Variants in STAU2 observed in about 807,000 individuals in gnomAD.
The protein encoded by STAU2 is double-stranded RNA-binding protein Staufen homolog 2.
Under a neutral mutation model 65.9 loss-of-function variants are expected in STAU2, and 20 were observed. The ratio of observed to expected loss-of-function variants is 0.30; its 90% CI spans 0.21 to 0.44. STAU2 has a LOEUF of 0.44. Ranked by LOEUF, STAU2 falls within the 20% of genes least tolerant of loss-of-function variation. The pLI is 1.00. For missense variants in STAU2, 558 were observed against 683.9 expected (o/e 0.82, Z 2.05); for synonymous variants, 232 against 233.9 (o/e 0.99, Z 0.07).
At chr8:73,552,352 C>T in intron 12 of STAU2, 33 bp from the exon 13 acceptor site, 1 of 1,545,438 alleles carries the variant, frequency 6.5e-7, no homozygotes, top group Non-Finnish European at 8.8e-7. Flanking sequence ...TGTTATTACA[C>T]TTAAAATAAC....
chr8:73,502,548 T>C (rs140053019), intron 13 of STAU2, among the ~76,000 whole-genome samples: 341 of 152,190 alleles, frequency 2.2e-3, no homozygotes, highest in African/African-American at 7.7e-3. Flanking sequence ...CCACTCAGTG[T>C]CTGGGCCCAT....
chr8:73,659,532 T>C (rs1004917841), intron 6 of STAU2, among the ~76,000 whole-genome samples: 1 of 152,008 alleles, frequency 6.6e-6, no homozygotes, highest in Non-Finnish European at 1.5e-5. Context: ...AGCGAAACTC[T>C]GTCTCAAAAA....
At chr8:73,616,389 A>G (rs1425989756) in intron 7 of STAU2, among the ~76,000 whole-genome samples, 1 of 152,154 alleles carries the variant, frequency 6.6e-6, no homozygotes, top group African/African-American at 2.4e-5. Context: ...GCTCTCATGA[A>G]AGAGTACAAG....
intron 13 of STAU2, among the ~76,000 whole-genome samples, chr8:73,512,528 A>G (rs952537692): frequency 1.2e-4 from 19 of 152,164 alleles, no homozygotes; most frequent in Non-Finnish European, 2.2e-4. Flanking sequence ...AAATGGTCTT[A>G]ATTTCATTTT....
intron 1 of STAU2, among the ~76,000 whole-genome samples, chr8:73,742,731 G>A (rs932686448): frequency 2.0e-5 from 3 of 151,566 alleles, no homozygotes; most frequent in African/African-American, 7.3e-5. Context: ...ATAGGGAGAC[G>A]GCTGGGGAAG....
At chr8:73,499,073 A>C (rs1254036478) in intron 13 of STAU2, among the ~76,000 whole-genome samples, 1 of 151,878 alleles carries the variant, frequency 6.6e-6, no homozygotes, top group African/African-American at 2.4e-5. Flanking sequence ...TAACACAGAA[A>C]TCATCCCTGA....
At chr8:73,433,804 A>G (rs1701267699) in intron 13 of STAU2, among the ~76,000 whole-genome samples, 1 of 151,758 alleles carries the variant, frequency 6.6e-6, no homozygotes. Flanking sequence ...TGCCTGGCCT[A>G]TTTAATTATT....
At chr8:73,581,813 A>C (rs1241165370) in intron 12 of STAU2, among the ~76,000 whole-genome samples, 1 of 152,224 alleles carries the variant, frequency 6.6e-6, no homozygotes, top group African/African-American at 2.4e-5. Flanking sequence ...CCAAGAATTC[A>C]ATTCTTATGA....
At chr8:73,457,559 G>A (rs752356735) in intron 13 of STAU2, among the ~76,000 whole-genome samples, 6 of 152,184 alleles carry the variant, frequency 3.9e-5, no homozygotes, top group Admixed American at 6.5e-5. Flanking sequence ...AAGATATGCC[G>A]CCAAAATAAA....
intron 6 of STAU2, among the ~76,000 whole-genome samples, chr8:73,658,201 T>C (rs1443321684): frequency 1.3e-5 from 2 of 150,566 alleles, no homozygotes; most frequent in Non-Finnish European, 3.0e-5. Flanking sequence ...CCATCTCTAC[T>C]AAAAAAAAAT....
intron 12 of STAU2, 86 bp downstream of exon 12, chr8:73,582,684 A>T (rs1009364962): frequency 1.5e-6 from 2 of 1,323,158 alleles, no homozygotes; most frequent in African/African-American, 2.9e-5. Flanking sequence ...TCTCAGACCC[A>T]GACAGACCCA....
Position 73,596,330 on chromosome 8 carries a change from C to CA in STAU2, c.1030-1034dup, listed in dbSNP as rs953342442. On this transcript the variant is annotated intron_variant, in intron 10 of 14. Coordinates refer to ENST00000524300, the MANE Select transcript of STAU2 (RefSeq NM_001164380.2). ...AGCATTTAATCCATCACAATTGCTC[C>CA]AAAAAAAAGATTTTTATCATTAGAA... Among the ~76,000 whole-genome samples, 10 of 151,500 alleles carry CA rather than the reference C, an allele frequency of 6.6e-5. No individual in the cohort carries two copies. The South Asian group carries it at 1.5e-3, about 22-fold the overall frequency.
upstream of STAU2, chr8:73,747,311 G>A: frequency 2.7e-6 from 4 of 1,501,532 alleles, no homozygotes; most frequent in Non-Finnish European, 3.6e-6. Context: ...CCTGCAACTC[G>A]GCAACTTCCT....
rs184895346 is a variant in STAU2, at chr8:73,561,347, C to A, written c.1223-9028G>T. 389 of 310,794 alleles carry A rather than the reference C, an allele frequency of 1.3e-3. 4 individuals carry two copies. The highest frequency in any genetic ancestry group is 8.0e-3 in the Middle Eastern group (7 of 876). 19.3% of individuals were successfully genotyped at this position (310,794 alleles called of 1,614,324 possible). A position where few individuals can be genotyped will look rare whatever the true frequency, so the allele number is the denominator to read the frequency against. On this transcript the variant is annotated intron_variant, in intron 12 of 14. Coordinates refer to ENST00000524300, the MANE Select transcript of STAU2 (RefSeq NM_001164380.2). ...AAGGCTCAGCTTTTCAATAAAGACA[C>A]AACTGTGACTATTTCTACCAAGTAA...
chr8:73,600,320 T>C (rs1421820527), intron 10 of STAU2, among the ~76,000 whole-genome samples: 1 of 152,216 alleles, frequency 6.6e-6, no homozygotes, highest in Non-Finnish European at 1.5e-5. Context: ...AGTTTAAACC[T>C]GTGAAATATT....
At chr8:73,740,433 A>G (rs1806768232) in intron 1 of STAU2, among the ~76,000 whole-genome samples, 1 of 152,254 alleles carries the variant, frequency 6.6e-6, no homozygotes, top group African/African-American at 2.4e-5. Context: ...GAGTAACATT[A>G]GAACTTCAAA....
intron 6 of STAU2, among the ~76,000 whole-genome samples, chr8:73,654,850 C>A (rs2130265872): frequency 6.6e-6 from 1 of 151,714 alleles, no homozygotes; most frequent in African/African-American, 2.4e-5. Flanking sequence ...CCATGCCCGG[C>A]TAATTTTTGT....
At chr8:73,560,369 C>T (rs1240594690) in intron 12 of STAU2, among the ~76,000 whole-genome samples, 1 of 152,120 alleles carries the variant, frequency 6.6e-6, no homozygotes, top group Non-Finnish European at 1.5e-5. Flanking sequence ...CGTGAGCCAC[C>T]ACGCCTGGCC....
At chr8:73,667,197 T>C (rs1473276997) in intron 6 of STAU2, among the ~76,000 whole-genome samples, 1 of 152,178 alleles carries the variant, frequency 6.6e-6, no homozygotes, top group African/African-American at 2.4e-5. Context: ...CATCACATTA[T>C]GCCTGAATTA....
Sources: allele counts gnomAD v4.1 joint callset (sites outside exome capture counted in the v4.1 genomes callset), GRCh38; gene constraint gnomAD v4.1.1; transcripts MANE v1.5; gene names NCBI Gene and HGNC (gene_info 2026-07-23, HGNC 2026-07-21).